The following RGS6 variants were observed in gnomAD, a reference collection of about 807,000 sequenced individuals.
The protein encoded by RGS6 is regulator of G-protein signaling 6.
A neutral mutation model predicts 78.5 loss-of-function variants in RGS6; 30 were observed. The ratio of observed to expected loss-of-function variants is 0.38; its 90% CI spans 0.29 to 0.52. The LOEUF is 0.52. RGS6 is among the 20% of genes least tolerant of loss of function. The probability of loss-of-function intolerance (pLI) is 0.85; values close to 1 mark genes in which losing one functional copy is unlikely to be tolerated. For synonymous variants in RGS6, 206 were observed against 206.0 expected (o/e 1.00, Z 0.00); for missense variants, 495 against 609.7 (o/e 0.81, Z 1.98).
rs2286070 is a variant in RGS6 at position 72,510,556 on chromosome 14, G to A, written c.1091+277G>A. Among the ~76,000 whole-genome samples, 180 of 152,286 alleles carry A rather than the reference G, an allele frequency of 1.2e-3. 6 individuals carry two copies. The East Asian group carries it at 0.012, about 10-fold the overall frequency. On this transcript the variant is annotated intron_variant, in intron 14 of 17. Transcript: ENST00000553525. ...AGTCTTCAATAATAATTAGTCAAAC[G>A]GATTTGACAACATCATTCATTAAGT...
intron 2 of RGS6, among the ~76,000 whole-genome samples, chr14:72,348,191 T>C (rs977357893): frequency 2.0e-5 from 3 of 152,206 alleles, no homozygotes; most frequent in Non-Finnish European, 4.4e-5. Flanking sequence ...AACCAAGGTT[T>C]TCTAAAAGTC....
chr14:72,047,753 A>C (rs950111980), intron 2 of RGS6, among the ~76,000 whole-genome samples: 3 of 151,870 alleles, frequency 2.0e-5, no homozygotes, highest in Non-Finnish European at 2.9e-5. Context: ...TTGAGATGGA[A>C]TCTCGCTCTT....
intron 12 of RGS6, among the ~76,000 whole-genome samples, chr14:72,486,152 A>G (rs985260409): frequency 1.3e-5 from 2 of 152,214 alleles, no homozygotes; most frequent in African/African-American, 4.8e-5. Context: ...GTGAAGAAGG[A>G]CATGTTTGCT....
chr14:72,430,426 TG>T (rs1347110406), intron 3 of RGS6, among the ~76,000 whole-genome samples: 1 of 151,984 alleles, frequency 6.6e-6, no homozygotes, highest in Non-Finnish European at 1.5e-5. Context: ...CCTTTGAGGG[TG>T]GGAAGAAACT....
At chr14:72,183,416 G>T (rs2097199681) in intron 2 of RGS6, among the ~76,000 whole-genome samples, 2 of 152,120 alleles carry the variant, frequency 1.3e-5, no homozygotes, top group Admixed American at 1.3e-4. Flanking sequence ...TCTGGGTCTG[G>T]CCTAGTACTT....
chr14:72,485,652 C>T (rs2096474383), intron 12 of RGS6, among the ~76,000 whole-genome samples: 1 of 152,174 alleles, frequency 6.6e-6, no homozygotes, highest in South Asian at 2.1e-4. Context: ...GGTTTGATTC[C>T]AAGCAATAAA....
chr14:71,965,769 T>G (rs1294256794), intron 2 of RGS6, among the ~76,000 whole-genome samples: 3 of 151,876 alleles, frequency 2.0e-5, no homozygotes, highest in Non-Finnish European at 4.4e-5. Flanking sequence ...AGGAGAGAGA[T>G]TTCTGTGTCT....
At chr14:72,210,937 C>T (rs1166530721) in intron 2 of RGS6, among the ~76,000 whole-genome samples, 5 of 152,098 alleles carry the variant, frequency 3.3e-5, no homozygotes, top group Non-Finnish European at 5.9e-5. Context: ...AGTCAAAATA[C>T]TTAATAACAA....
rs138140828 is a variant in RGS6, at chr14:72,036,200, A to AGTCTTCTTAT, written c.84+71325_84+71326insGTCTTCTTAT. 2.1e-4 allele frequency among the ~76,000 whole-genome samples: 31 copies of AGTCTTCTTAT among 146,814 alleles called. 1 individual carries two copies. The highest frequency in any genetic ancestry group is 7.0e-4 in the African/African-American group (28 of 40,110). The stretch of plus-strand genomic sequence containing the variant: ...CTCATCCAAGTTGTTGCATGTAAAC[A>AGTCTTCTTAT]TATTATTATTATTATTATTATTATT... On this transcript the variant is annotated intron_variant, in intron 2 of 17. Coordinates refer to ENST00000553525, the MANE Select transcript of RGS6 (RefSeq NM_001204424.2).
At chr14:72,286,840 G>A (rs554515143) in intron 2 of RGS6, among the ~76,000 whole-genome samples, 7 of 148,612 alleles carry the variant, frequency 4.7e-5, no homozygotes, top group Non-Finnish European at 8.9e-5. Flanking sequence ...CTGGAGTGCA[G>A]TGGCACAATC....
intron 2 of RGS6, among the ~76,000 whole-genome samples, chr14:72,227,781 G>A (rs1440386632): frequency 6.6e-6 from 1 of 152,194 alleles, no homozygotes; most frequent in Non-Finnish European, 1.5e-5. Flanking sequence ...ATAACTGGAT[G>A]TGTCTGTATA....
intron 2 of RGS6, among the ~76,000 whole-genome samples, chr14:72,257,571 A>G (rs1303167009): frequency 1.3e-5 from 2 of 152,222 alleles, no homozygotes; most frequent in East Asian, 3.8e-4. Flanking sequence ...TGATGTGTTC[A>G]CTAGAAGCCC....
intron 2 of RGS6, among the ~76,000 whole-genome samples, chr14:72,324,862 T>C (rs1299404692): frequency 6.6e-6 from 1 of 152,156 alleles, no homozygotes; most frequent in Admixed American, 6.5e-5. Context: ...ATCCTTTGGG[T>C]ATATATCCAG....
chr14:72,028,302 T>C (rs187890214), intron 2 of RGS6, among the ~76,000 whole-genome samples: 1 of 152,340 alleles, frequency 6.6e-6, no homozygotes, highest in Non-Finnish European at 1.5e-5. Context: ...ACCCTCTCCT[T>C]AGATTGGCAG....
In RGS6 at chr14:72,045,380, C is replaced by T. The variant is rs369363340; in HGVS notation, c.84+80505C>T. On this transcript the variant is annotated intron_variant, in intron 2 of 17. Coordinates refer to ENST00000553525, the MANE Select transcript of RGS6 (RefSeq NM_001204424.2). ...GTATAAGGTTTTATGTTAATCTAGA[C>T]TAGATTAATCACAGACTACAGTTGG... Among the ~76,000 whole-genome samples the T allele has an allele frequency of 2.6e-5, 4 of 152,172 alleles. No homozygotes were observed. In the East Asian group the frequency reaches 7.7e-4, roughly 29 times the overall value.
At chr14:72,086,800 T>C (rs576173552) in intron 2 of RGS6, among the ~76,000 whole-genome samples, 2 of 152,294 alleles carry the variant, frequency 1.3e-5, no homozygotes, top group East Asian at 3.9e-4. Flanking sequence ...AACCTAAAGA[T>C]CTTGTGAACT....
intron 2 of RGS6, among the ~76,000 whole-genome samples, chr14:72,089,055 A>G (rs1351796951): frequency 6.6e-6 from 1 of 152,320 alleles, no homozygotes; most frequent in East Asian, 1.9e-4. Flanking sequence ...TGCATTTACC[A>G]TTCTCTGAAA....
chr14:72,621,516 C>CT, the RGS6 span, among the ~76,000 whole-genome samples: 341 of 152,234 alleles, frequency 2.2e-3, 1 homozygote, highest in Admixed American at 3.6e-3. Flanking sequence ...GCAATGAGGG[C>CT]TTTTTTTGTC....
chr14:72,053,117 C>T (rs2093426553), intron 2 of RGS6, among the ~76,000 whole-genome samples: 1 of 94,140 alleles, frequency 1.1e-5, no homozygotes, highest in Non-Finnish European at 2.2e-5. Flanking sequence ...TCCTTCCTTC[C>T]TTCCTTCCTT....
Sources: gnomAD v4.1 joint callset for allele counts (sites outside exome capture counted in the v4.1 genomes callset) on GRCh38, gnomAD v4.1.1 for gene constraint, MANE v1.5 for transcripts, NCBI Gene and HGNC (gene_info 2026-07-23, HGNC 2026-07-21) for gene names.